LRP1B: variants seen among roughly 807,000 people sequenced by gnomAD.
LRP1B encodes the protein low-density lipoprotein receptor-related protein 1B.
In LRP1B, 217 loss-of-function variants were observed where a neutral mutation model predicts 556.6. The observed-to-expected ratio is 0.39, with a 90% confidence interval of 0.35 to 0.44. The LOEUF (loss-of-function observed/expected upper bound fraction) is 0.44. Ranked by LOEUF, LRP1B falls within the 20% of genes least tolerant of loss-of-function variation. The pLI, the probability that LRP1B is intolerant of heterozygous loss-of-function variation, is 1.00. For missense variants in LRP1B, 5,053 were observed against 5,620.8 expected (o/e 0.90, Z 3.23); for synonymous variants, 2,047 against 1,865.8 (o/e 1.10, Z -2.50).
chr2:140,237,240 A>T (rs1315169094), intron 89 of LRP1B, among the ~76,000 whole-genome samples: 1 of 150,932 alleles, frequency 6.6e-6, no homozygotes, highest in Non-Finnish European at 1.5e-5. Flanking sequence ...CTATAGATTC[A>T]CATGTGAGTG....
intron 3 of LRP1B, among the ~76,000 whole-genome samples, chr2:141,263,355 A>C (rs1317231922): frequency 6.6e-6 from 1 of 152,086 alleles, no homozygotes; most frequent in Non-Finnish European, 1.5e-5. Flanking sequence ...CTATAGATTT[A>C]AAGGATAATA....
At chr2:140,816,329 G>A (rs915647423) in intron 31 of LRP1B, among the ~76,000 whole-genome samples, 2 of 151,766 alleles carry the variant, frequency 1.3e-5, no homozygotes, top group Admixed American at 6.6e-5. Context: ...TGTTGGCCAG[G>A]ATGGTCTCGA....
intron 3 of LRP1B, among the ~76,000 whole-genome samples, chr2:141,472,531 A>C (rs1328341860): frequency 6.6e-6 from 1 of 152,078 alleles, no homozygotes; most frequent in Non-Finnish European, 1.5e-5. Context: ...CAAGAGCAAG[A>C]CTCCATCTCA....
At chr2:140,754,235 A>G (rs1182574082) in intron 35 of LRP1B, among the ~76,000 whole-genome samples, 1 of 152,190 alleles carries the variant, frequency 6.6e-6, no homozygotes, top group Non-Finnish European at 1.5e-5. Context: ...TTACGAGTGC[A>G]GCAAACTAAA....
chr2:141,605,611 A>C (rs969050360), intron 2 of LRP1B, among the ~76,000 whole-genome samples: 4 of 152,164 alleles, frequency 2.6e-5, no homozygotes, highest in Non-Finnish European at 5.9e-5. Flanking sequence ...CCTAATACTC[A>C]GCCCATTACA....
rs376517331 is a variant in LRP1B, at chr2:140,698,941, ATAT to A, written c.6799+1306_6799+1308del. ...CAATACTCCCAAATCACATGCATTA[ATAT>A]TATCACCATGTCAACAGAAAAGCCT... On this transcript the variant is annotated intron_variant, in intron 41 of 90. Coordinates refer to ENST00000389484, the MANE Select transcript of LRP1B (RefSeq NM_018557.3). 3.9e-4 allele frequency among the ~76,000 whole-genome samples: 59 copies of A among 152,196 alleles called. No individual in the cohort carries two copies. In the East Asian group the frequency reaches 8.3e-3, roughly 21 times the overall value.
chr2:141,784,666 T>G (rs748210597), intron 2 of LRP1B, among the ~76,000 whole-genome samples: 1 of 151,912 alleles, frequency 6.6e-6, no homozygotes, highest in African/African-American at 2.4e-5. Flanking sequence ...TTGTTCAATT[T>G]GTCACCCCTT....
chr2:140,471,117 A>G (rs1453760578), intron 60 of LRP1B, among the ~76,000 whole-genome samples: 1 of 152,198 alleles, frequency 6.6e-6, no homozygotes. Flanking sequence ...ATAACAGTGT[A>G]TTTAAAAACT....
intron 2 of LRP1B, among the ~76,000 whole-genome samples, chr2:141,570,479 A>G (rs1686487078): frequency 6.6e-6 from 1 of 151,430 alleles, no homozygotes; most frequent in South Asian, 2.1e-4. Context: ...TGGATGGCAC[A>G]GATTATTTTA....
At chr2:141,047,647 A>C (rs996432089) in intron 11 of LRP1B, among the ~76,000 whole-genome samples, 4 of 152,064 alleles carry the variant, frequency 2.6e-5, no homozygotes, top group African/African-American at 9.7e-5. Context: ...GATTTTTTCC[A>C]AACTCCTTCA....
rs1201572235 is a variant in LRP1B at position 141,977,885 on chromosome 2, A to G, written c.82+152763T>C. ...TGTGGTTCATACAAGCCTAACTTAAAATATCCATTATTCCTATTATTCTTA... is the reference window on the plus strand; with the variant it reads ...TGTGGTTCATACAAGCCTAACTTAAGATATCCATTATTCCTATTATTCTTA... On this transcript the variant is annotated intron_variant, in intron 1 of 90. Transcript: ENST00000389484. Among the ~76,000 whole-genome samples the G allele has an allele frequency of 3.3e-5, 5 of 152,282 alleles. No homozygotes were observed. In the South Asian group the frequency reaches 8.3e-4, roughly 25 times the overall value.
intron 2 of LRP1B, among the ~76,000 whole-genome samples, chr2:141,535,287 G>A (rs182249353): frequency 2.0e-5 from 3 of 152,224 alleles, no homozygotes; most frequent in African/African-American, 7.2e-5. Context: ...AGTAGCTGCG[G>A]AATACTTCCC....
chr2:140,679,263 C>G (rs1038928692), intron 41 of LRP1B, among the ~76,000 whole-genome samples: 1 of 152,204 alleles, frequency 6.6e-6, no homozygotes, highest in Non-Finnish European at 1.5e-5. Flanking sequence ...TCCACATACA[C>G]TCATGTGCGG....
chr2:141,371,428 G>C (rs1689227597), intron 3 of LRP1B, among the ~76,000 whole-genome samples: 1 of 152,052 alleles, frequency 6.6e-6, no homozygotes, highest in South Asian at 2.1e-4. Flanking sequence ...TTGGTAGTTT[G>C]ATAAAGATTA....
chr2:141,464,606 A>ATATATTTTTTTT, intron 3 of LRP1B, among the ~76,000 whole-genome samples: 34 of 90,532 alleles, frequency 3.8e-4, no homozygotes, highest in Admixed American at 1.6e-3. Context: ...ATATATATAT[A>ATATATTTTTTTT]TTTTTTTAGT....
At chr2:142,088,618 T>A (rs1706039580) in intron 1 of LRP1B, among the ~76,000 whole-genome samples, 1 of 152,134 alleles carries the variant, frequency 6.6e-6, no homozygotes, top group South Asian at 2.1e-4. Flanking sequence ...TAATAATGCT[T>A]TGTTAACATT....
intron 1 of LRP1B, among the ~76,000 whole-genome samples, chr2:141,842,046 C>A (rs1697494924): frequency 6.6e-6 from 1 of 152,014 alleles, no homozygotes; most frequent in Admixed American, 6.6e-5. Context: ...AAAAAGAGAT[C>A]TGAAAATTGT....
chr2:141,496,277 A>T (rs1683504337), intron 2 of LRP1B, among the ~76,000 whole-genome samples: 1 of 148,238 alleles, frequency 6.7e-6, no homozygotes, highest in Non-Finnish European at 1.5e-5. Flanking sequence ...TATGCACTCT[A>T]AAAAAAAAAT....
At chr2:141,776,856 C>G (rs953435309) in intron 2 of LRP1B, among the ~76,000 whole-genome samples, 2 of 152,142 alleles carry the variant, frequency 1.3e-5, no homozygotes, top group African/African-American at 4.8e-5. Flanking sequence ...ATAACAGCTT[C>G]CATTTACTGG....
Sources: gnomAD v4.1 joint callset for allele counts (sites outside exome capture counted in the v4.1 genomes callset) on GRCh38, gnomAD v4.1.1 for gene constraint, MANE v1.5 for transcripts, NCBI Gene and HGNC (gene_info 2026-07-23, HGNC 2026-07-21) for gene names.